TSHZ3: variants seen among roughly 807,000 people sequenced by gnomAD.
TSHZ3 encodes the protein teashirt homolog 3.
TSHZ3 carries 10 observed loss-of-function variants against 64.5 expected under a neutral mutation model. That is an observed-to-expected ratio of 0.16 (90% CI 0.10 to 0.26). TSHZ3 has a LOEUF of 0.26. Among genes scored for constraint, TSHZ3 ranks in the 10% least tolerant of loss-of-function variants. The pLI is 1.00. For missense variants in TSHZ3, 1,242 were observed against 1,421.7 expected (o/e 0.87, Z 2.03); for synonymous variants, 608 against 593.1 (o/e 1.03, Z -0.36).
At chr19:31,227,853 A>G (rs1193200260) in intron 4 of TSHZ3, among the ~76,000 whole-genome samples, 2 of 152,192 alleles carry the variant, frequency 1.3e-5, no homozygotes, top group Non-Finnish European at 2.9e-5. Flanking sequence ...TTCTTCTGCC[A>G]GAAACCTTGG....
downstream of TSHZ3, among the ~76,000 whole-genome samples, chr19:31,272,735 ATTAG>A (rs1256113675): frequency 1.3e-5 from 2 of 152,200 alleles, no homozygotes; most frequent in East Asian, 1.9e-4. Context: ...AGCACCATAA[ATTAG>A]TTAAATTGCA....
At chr19:31,306,211 C>T (rs746584178) in intron 1 of TSHZ3, among the ~76,000 whole-genome samples, 2 of 152,158 alleles carry the variant, frequency 1.3e-5, no homozygotes, top group African/African-American at 2.4e-5. Flanking sequence ...GATGGAGTTG[C>T]GGGGCCTCTC....
chr19:31,197,815 A>G lies in TSHZ3; in HGVS notation n.809+7141T>C, dbSNP rs1162674169. Reference sequence around the variant, plus strand: ...AAAATTGAATCAATATTTAATAATTAAAAACAGAAAGCACCAGCTCTAGAT... The same window carrying G: ...AAAATTGAATCAATATTTAATAATTGAAAACAGAAAGCACCAGCTCTAGAT... On this transcript the variant is annotated intron_variant and non_coding_transcript_variant, in intron 5 of 6. Coordinates refer to the TSHZ3 transcript ENST00000651361. 2.6e-5 allele frequency among the ~76,000 whole-genome samples: 4 copies of G among 152,060 alleles called. No homozygotes were observed. In the East Asian group the frequency reaches 5.8e-4, roughly 22 times the overall value.
At position 31,277,570 on chromosome 19, in the gene TSHZ3, C is replaced by A; in HGVS notation, c.2223G>T (p.Leu741=). 6.3e-7 allele frequency: 1 copy of A among 1,598,554 alleles called. No individual in the cohort carries two copies. Among genetic ancestry groups the A allele is most frequent in the Non-Finnish European group, 8.5e-7 (1 of 1,171,776 alleles). ...GCATGCTCATGGGGTCCAGGGCAGG[C>A]AGGGAGGGCTTGGCGGCCTTGCCCA... ...IHLGKAAKPS[L]PALDPMSMLF... is the part of the protein sequence containing the mutation. The change falls in exon 2 of 2, where the codon CTG becomes CTT. Residue 741 remains leucine (L), a synonymous_variant. Coordinates refer to ENST00000240587, the MANE Select transcript of TSHZ3 (RefSeq NM_020856.4). This position sits in a 1 kb window ranked among gnomAD's most constrained non-coding sequence, Gnocchi z 4.5.
intron 1 of TSHZ3, among the ~76,000 whole-genome samples, chr19:31,343,099 A>G (rs1599661460): frequency 6.6e-6 from 1 of 152,210 alleles, no homozygotes; most frequent in African/African-American, 2.4e-5. Flanking sequence ...ATGCGATGAC[A>G]AGGAGTTGGT....
chr19:31,217,367 A>G (rs570382616), intron 4 of TSHZ3, among the ~76,000 whole-genome samples: 2 of 152,290 alleles, frequency 1.3e-5, no homozygotes, highest in African/African-American at 2.4e-5. Flanking sequence ...GGGCTGGTGG[A>G]TGAAAGGCGA....
intron 1 of TSHZ3, among the ~76,000 whole-genome samples, chr19:31,304,218 C>T (rs1230239271): frequency 6.6e-6 from 1 of 152,198 alleles, no homozygotes; most frequent in Non-Finnish European, 1.5e-5. Context: ...CGTGATCTGC[C>T]TGCCTCGGCC....
intron 1 of TSHZ3, among the ~76,000 whole-genome samples, chr19:31,266,983 C>T (rs966433564): frequency 2.6e-5 from 4 of 152,184 alleles, no homozygotes; most frequent in African/African-American, 7.2e-5. Context: ...TGCTCCTGGC[C>T]GGCCCACTTC....
chr19:31,249,295 A>T (rs778700974), intron 1 of TSHZ3, among the ~76,000 whole-genome samples: 9 of 152,216 alleles, frequency 5.9e-5, no homozygotes, highest in Non-Finnish European at 1.2e-4. Context: ...GAGGGGCAGG[A>T]TAGCCCACCC....
At chr19:31,169,789 T>TTC in intron 5 of TSHZ3, among the ~76,000 whole-genome samples, 1 of 152,058 alleles carries the variant, frequency 6.6e-6, no homozygotes, top group Non-Finnish European at 1.5e-5. Flanking sequence ...ATGTGCAAAG[T>TTC]TCCAAAGACA....
intron 1 of TSHZ3, among the ~76,000 whole-genome samples, chr19:31,324,549 G>C (rs1363404724): frequency 6.6e-6 from 1 of 152,252 alleles, no homozygotes; most frequent in Non-Finnish European, 1.5e-5. Context: ...CAAGGGGCGT[G>C]AAGCCTGAAT....
intron 3 of TSHZ3, among the ~76,000 whole-genome samples, chr19:31,233,026 C>A (rs903768067): frequency 4.6e-5 from 7 of 152,176 alleles, no homozygotes; most frequent in Non-Finnish European, 1.0e-4. Context: ...CTGCTAGGAA[C>A]ATTCCTGGAC....
At position 31,180,249 on chromosome 19, in the gene TSHZ3, A is replaced by T. The variant is rs573549013; in HGVS notation, n.810-23832T>A. Among the ~76,000 whole-genome samples, 3 of 152,254 alleles carry T rather than the reference A, an allele frequency of 2.0e-5. No homozygotes were observed. In the South Asian group the frequency reaches 6.2e-4, roughly 32 times the overall value. On this transcript the variant is annotated intron_variant and non_coding_transcript_variant, in intron 5 of 6. Transcript: ENST00000651361. The stretch of plus-strand genomic sequence containing the variant: ...AGTGAGTGAATGAATGAATGAATGA[A>T]CGAATGAATGAATGAATGAAGAGTC...
rs531433522 is a variant in TSHZ3 at position 31,276,230 on chromosome 19, G to A, written c.*317C>T. On this transcript the variant is annotated 3_prime_UTR_variant, in exon 2 of 2. Transcript: ENST00000240587. ...TCGTGGAAAAGGTGTGCCTGATTCC[G>A]TTATAAATGCTTAATTAAACTGTCT... 3.6e-4 allele frequency: 77 copies of A among 216,248 alleles called. No individual in the cohort carries two copies. Among genetic ancestry groups the A allele is most frequent in the Middle Eastern group, 1.6e-3 (1 of 620 alleles). The allele number at this position is 216,248 out of a possible 1,614,324, so 13.4% of individuals were successfully genotyped here.
chr19:31,308,560 T>C (rs978092830), intron 1 of TSHZ3: 1 of 397,564 alleles, frequency 2.5e-6, no homozygotes, highest in Non-Finnish European at 4.4e-6. Flanking sequence ...CTCGATCCTT[T>C]TTGGAAATGG....
Position 31,279,954 on chromosome 19 carries a change from CAAA to C in TSHZ3, c.41-205_41-203del, listed in dbSNP as rs34501594. Among the ~76,000 whole-genome samples the C allele has an allele frequency of 2.1e-5, 3 of 145,486 alleles. No individual in the cohort carries two copies. The highest frequency in any genetic ancestry group is 5.0e-5 in the African/African-American group (2 of 39,646). On this transcript the variant is annotated intron_variant, in intron 1 of 1. Coordinates refer to ENST00000240587, the MANE Select transcript of TSHZ3 (RefSeq NM_020856.4). This position sits in a 1 kb window ranked among gnomAD's most constrained non-coding sequence, Gnocchi z 6.4. ...GTTAAAATGTGGTGTTTCTTTGGAG[CAAA>C]AAAAAAAAAAAATCTGCTCTTCAAA...
At chr19:31,246,576 A>G (rs868493603) in intron 1 of TSHZ3, among the ~76,000 whole-genome samples, 1 of 152,110 alleles carries the variant, frequency 6.6e-6, no homozygotes, top group Non-Finnish European at 1.5e-5. Flanking sequence ...TTGAAGTTAT[A>G]AGTAAAAACT....
chr19:31,244,897 G>A lies in TSHZ3; in HGVS notation n.64-2022C>T, dbSNP rs142526558. ...GGGCTCAAGACATCTGCCCACCTCA[G>A]CCTCCCAAAGTGTTAGGATTATAGG... is the stretch of plus-strand genomic sequence containing the variant. On this transcript the variant is annotated intron_variant and non_coding_transcript_variant, in intron 1 of 6. Coordinates refer to the TSHZ3 transcript ENST00000651361. Among the ~76,000 whole-genome samples, 127 of 152,206 alleles carry A rather than the reference G, an allele frequency of 8.3e-4. 1 individual carries two copies. In the East Asian group the frequency reaches 0.023, roughly 27 times the overall value.
intron 5 of TSHZ3, among the ~76,000 whole-genome samples, chr19:31,179,265 A>C (rs550976723): frequency 6.6e-6 from 1 of 152,300 alleles, no homozygotes; most frequent in African/African-American, 2.4e-5. Context: ...CAGAACCCAG[A>C]GAGAGCTGTC....
Sources: allele counts gnomAD v4.1 joint callset (sites outside exome capture counted in the v4.1 genomes callset), GRCh38; gene constraint gnomAD v4.1.1; non-coding constraint Gnocchi (gnomAD v3.1); transcripts MANE v1.5; gene names NCBI Gene and HGNC (gene_info 2026-07-23, HGNC 2026-07-21).